The following CUL4A variants were observed in gnomAD, a reference collection of about 807,000 sequenced individuals.
CUL4A encodes the protein cullin-4A.
Under a neutral mutation model 95.5 loss-of-function variants are expected in CUL4A, and 16 were observed. That is an observed-to-expected ratio of 0.17 (90% confidence interval 0.11 to 0.25). CUL4A has a LOEUF of 0.25. Among genes scored for constraint, CUL4A ranks in the 10% least tolerant of loss-of-function variants. CUL4A has a pLI of 1.00. For missense variants in CUL4A, 610 were observed against 937.0 expected (o/e 0.65, Z 4.56); for synonymous variants, 380 against 353.1 (o/e 1.08, Z -0.85).
At chr13:113,225,891 A>G (rs1354302967) in intron 3 of CUL4A, among the ~76,000 whole-genome samples, 4 of 152,220 alleles carry the variant, frequency 2.6e-5, no homozygotes, top group Non-Finnish European at 4.4e-5. Flanking sequence ...CCTGTTAACC[A>G]TTCAACCATT....
chr13:113,208,396 C>A, upstream of CUL4A: 1 of 1,441,992 alleles, frequency 6.9e-7, no homozygotes, highest in Non-Finnish European at 9.1e-7. Flanking sequence ...GCCCCCACGG[C>A]GGCCCTGCAG....
At chr13:113,249,601 TTATTTTGGGG>T (rs1167000713) in intron 15 of CUL4A, among the ~76,000 whole-genome samples, 1 of 152,224 alleles carries the variant, frequency 6.6e-6, no homozygotes, top group East Asian at 1.9e-4. Flanking sequence ...CTGCGGTCAC[TTATTTTGGGG>T]TATATACCTG....
rs1396302648 is a variant in CUL4A, at chr13:113,209,965, C to T, written c.149-8C>T. The T allele has an allele frequency of 5.3e-6, 8 of 1,501,866 alleles. No individual in the cohort carries two copies. In the Admixed American group the frequency reaches 1.5e-4, roughly 29 times the overall value. The allele number at this position is 1,501,866 out of a possible 1,614,324, so 93.0% of individuals were successfully genotyped here. A position where few individuals can be genotyped will look rare whatever the true frequency, so the allele number is the denominator to read the frequency against. On this transcript the variant is annotated splice_region_variant and splice_polypyrimidine_tract_variant and intron_variant, in intron 1 of 19. Transcript: ENST00000375440. ...CCCTGAGCCGCCCGCTCTCCCTCCG[C>T]CCTGCAGACAGACCTCGGCTGCCCG...
At chr13:113,238,987 T>C (rs1052209813) in intron 9 of CUL4A, among the ~76,000 whole-genome samples, 3 of 152,246 alleles carry the variant, frequency 2.0e-5, no homozygotes, top group Non-Finnish European at 4.4e-5. Flanking sequence ...CACTTCAAAA[T>C]ATCCGATGAT....
At chr13:113,223,119 A>G (rs554680373) in intron 3 of CUL4A, among the ~76,000 whole-genome samples, 66 of 152,286 alleles carry the variant, frequency 4.3e-4, no homozygotes, top group African/African-American at 1.5e-3. Context: ...ACGTTAACCT[A>G]GTAAACATGG....
intron 7 of CUL4A, 72 bp from the exon 8 acceptor site, chr13:113,234,991 C>G (rs1686126199): frequency 2.6e-6 from 3 of 1,163,442 alleles, no homozygotes; most frequent in Non-Finnish European, 3.7e-6. Flanking sequence ...GTAAGGAAAA[C>G]AAAATCTCAA....
intron 16 of CUL4A, 61 bp downstream of exon 16, chr13:113,253,256 T>G: frequency 1.2e-6 from 1 of 863,988 alleles, no homozygotes; most frequent in Non-Finnish European, 1.7e-6. Flanking sequence ...AATTTTTTTA[T>G]TGTTACTGGA....
upstream of CUL4A, chr13:113,209,602 CG>C: frequency 9.9e-7 from 1 of 1,009,368 alleles, no homozygotes. Context: ...GCGCTCGGGG[CG>C]GGGCGCGGCG....
At chr13:113,223,390 T>C (rs2040974376) in intron 3 of CUL4A, among the ~76,000 whole-genome samples, 1 of 147,292 alleles carries the variant, frequency 6.8e-6, no homozygotes, top group South Asian at 2.1e-4. Flanking sequence ...TTTAAGTAAT[T>C]TGTTGTTGTT....
intron 5 of CUL4A, among the ~76,000 whole-genome samples, chr13:113,231,974 ATAC>A (rs200236677): frequency 0.013 from 1,927 of 148,056 alleles, 83 homozygotes; most frequent in African/African-American, 0.046. Context: ...ATTATTAATA[ATAC>A]TACCACCACC....
intron 18 of CUL4A, among the ~76,000 whole-genome samples, chr13:113,257,402 TA>T (rs1047931943): frequency 3.9e-5 from 6 of 152,208 alleles, no homozygotes; most frequent in African/African-American, 1.4e-4. Context: ...GGGTAATTTA[TA>T]AAGAAGAGAA....
At chr13:113,251,996 T>G (rs1020582497) in intron 15 of CUL4A, among the ~76,000 whole-genome samples, 13 of 152,056 alleles carry the variant, frequency 8.5e-5, no homozygotes, top group African/African-American at 2.9e-4. Context: ...AGCACAGACG[T>G]GTCGGAGATC....
At chr13:113,232,440 C>G (rs2041388246) in intron 5 of CUL4A, among the ~76,000 whole-genome samples, 1 of 151,654 alleles carries the variant, frequency 6.6e-6, no homozygotes, top group South Asian at 2.1e-4. Flanking sequence ...CCACCAGCAC[C>G]ACTCCTGCCC....
chr13:113,249,766 G>T (rs1485841293), intron 15 of CUL4A, among the ~76,000 whole-genome samples: 1 of 152,188 alleles, frequency 6.6e-6, no homozygotes. Flanking sequence ...CCTGTGATCT[G>T]CCTCTTTCGT....
intron 1 of CUL4A, 47 bp from the exon 2 acceptor site, chr13:113,209,926 C>T (rs2139053044): frequency 1.4e-6 from 2 of 1,399,756 alleles, no homozygotes; most frequent in Admixed American, 5.4e-5. Flanking sequence ...CTACGCGGGG[C>T]GCTTCGCGGC....
intron 2 of CUL4A, among the ~76,000 whole-genome samples, chr13:113,218,023 G>T (rs2040756563): frequency 6.6e-6 from 1 of 152,220 alleles, no homozygotes; most frequent in Non-Finnish European, 1.5e-5. Flanking sequence ...AATCACCTGA[G>T]GTCAGGCGTT....
Position 113,257,426 on chromosome 13 carries a change from C to T in CUL4A, c.2031+2301C>T, listed in dbSNP as rs540567116. ...ATAAAGAAGAGAAGTTTAATTGGCT[C>T]ACGGTTCTGCAGGCTGTACAGGAAG... On this transcript the variant is annotated intron_variant, in intron 18 of 19. Coordinates refer to ENST00000375440, the MANE Select transcript of CUL4A (RefSeq NM_001008895.4). 6.6e-5 allele frequency among the ~76,000 whole-genome samples: 10 copies of T among 152,314 alleles called. No homozygotes were observed. In the South Asian group the frequency reaches 2.1e-3, roughly 32 times the overall value.
At chr13:113,234,020 T>C (rs761945861) in intron 7 of CUL4A, 34 bp downstream of exon 7, 8 of 1,413,852 alleles carry the variant, frequency 5.7e-6, no homozygotes, top group Non-Finnish European at 7.0e-6. Flanking sequence ...ATCCCCTGGC[T>C]TCGTTTCTGC....
chr13:113,221,595 G>C (rs2040899971), intron 3 of CUL4A, among the ~76,000 whole-genome samples: 1 of 151,838 alleles, frequency 6.6e-6, no homozygotes, highest in South Asian at 2.1e-4. Context: ...ATTTATTTTT[G>C]TGAGATGGAG....
Sources: allele counts gnomAD v4.1 joint callset (sites outside exome capture counted in the v4.1 genomes callset), GRCh38; gene constraint gnomAD v4.1.1; transcripts MANE v1.5; gene names NCBI Gene and HGNC (gene_info 2026-07-23, HGNC 2026-07-21).